Variants in MYO1E observed in about 807,000 individuals in gnomAD.
MYO1E encodes unconventional myosin-Ie.
In MYO1E, 68 loss-of-function variants were observed where a neutral mutation model predicts 151.1. That is an observed-to-expected ratio of 0.45 (90% CI 0.37 to 0.55). The LOEUF is 0.55. MYO1E is among the 20% of genes least tolerant of loss of function. MYO1E has a pLI of 0.00. For synonymous variants in MYO1E, 601 were observed against 501.7 expected (o/e 1.20, Z -2.64); for missense variants, 1,363 against 1,389.3 (o/e 0.98, Z 0.30).
intron 1 of MYO1E, among the ~76,000 whole-genome samples, chr15:59,340,316 A>T (rs2080757575): frequency 6.6e-6 from 1 of 152,292 alleles, no homozygotes; most frequent in East Asian, 1.9e-4. Context: ...CTCAAAAAAA[A>T]TAGCAATTTT....
chr15:59,297,437 ATTTT>A lies in MYO1E; in HGVS notation c.4-24992_4-24989del, dbSNP rs755470049. The stretch of plus-strand genomic sequence containing the variant: ...AGGTACGCACCACCACACCCAGCTA[ATTTT>A]TTTTTTTTTTTTTTTTTTTTAGTAG... On this transcript the variant is annotated intron_variant, in intron 1 of 27. Transcript: ENST00000288235. 1.9e-3 allele frequency among the ~76,000 whole-genome samples: 118 copies of A among 63,484 alleles called. 4 individuals carry two copies. The East Asian group carries it at 0.031, about 17-fold the overall frequency. The allele number at this position is 63,484 out of a possible 152,430, so 41.6% of individuals were successfully genotyped here. A position where few individuals can be genotyped will look rare whatever the true frequency, so the allele number is the denominator to read the frequency against.
At chr15:59,143,706 C>G (rs555304006) in intron 26 of MYO1E, among the ~76,000 whole-genome samples, 2 of 152,168 alleles carry the variant, frequency 1.3e-5, no homozygotes, top group Non-Finnish European at 2.9e-5. Context: ...GATGCAGGCT[C>G]CTGGGATTTC....
chr15:59,292,287 T>C (rs573404198), intron 1 of MYO1E, among the ~76,000 whole-genome samples: 139 of 152,334 alleles, frequency 9.1e-4, no homozygotes, highest in African/African-American at 3.2e-3. Flanking sequence ...GTTTCCCTTG[T>C]CTCCAAATGA....
At chr15:59,194,891 G>A (rs2079756383) in intron 17 of MYO1E, among the ~76,000 whole-genome samples, 1 of 152,206 alleles carries the variant, frequency 6.6e-6, no homozygotes, top group African/African-American at 2.4e-5. Context: ...GGCAGAAAGG[G>A]TTTGCTGAAT....
intron 25 of MYO1E, among the ~76,000 whole-genome samples, chr15:59,157,206 C>G (rs958556594): frequency 6.6e-6 from 1 of 152,098 alleles, no homozygotes; most frequent in African/African-American, 2.4e-5. Flanking sequence ...AGTTGGGCAA[C>G]TGAGACCCCA....
intron 6 of MYO1E, among the ~76,000 whole-genome samples, chr15:59,228,569 A>G (rs1193661658): frequency 2.0e-5 from 3 of 151,726 alleles, no homozygotes; most frequent in Admixed American, 2.0e-4. Flanking sequence ...TTTTCTCACT[A>G]GAACTTAATT....
At chr15:59,265,953 C>CAAATA (rs762818567) in intron 2 of MYO1E, among the ~76,000 whole-genome samples, 16 of 149,068 alleles carry the variant, frequency 1.1e-4, no homozygotes, top group African/African-American at 2.7e-4. Flanking sequence ...GGTGACAGAG[C>CAAATA]AAATAAAATA....
At chr15:59,200,343 C>T (rs2079793255) in intron 16 of MYO1E, among the ~76,000 whole-genome samples, 1 of 152,202 alleles carries the variant, frequency 6.6e-6, no homozygotes, top group Non-Finnish European at 1.5e-5. Flanking sequence ...TTCACGCAGA[C>T]ATTAATATCT....
rs2079639481 is a variant in MYO1E, at chr15:59,178,552, G to T, written c.1905-15C>A. The T allele has an allele frequency of 6.2e-7, 1 of 1,613,474 alleles. No individual in the cohort carries two copies. Among genetic ancestry groups the T allele is most frequent in the Non-Finnish European group, 8.5e-7 (1 of 1,179,624 alleles). Reference sequence around the variant, plus strand: ...GAATGGCATACCTGTGGGGACATTGGGGAGAAGAGAATCACACTTGGGCGG... The same window carrying T: ...GAATGGCATACCTGTGGGGACATTGTGGAGAAGAGAATCACACTTGGGCGG... On this transcript the variant is annotated splice_polypyrimidine_tract_variant and intron_variant, in intron 18 of 27. Transcript: ENST00000288235.
In MYO1E at chr15:59,211,153, T is replaced by C. The variant is rs148459046; in HGVS notation, c.1276-553A>G. Among the ~76,000 whole-genome samples the C allele has an allele frequency of 3.3e-5, 5 of 151,014 alleles. No individual in the cohort carries two copies. The East Asian group carries it at 7.8e-4, about 24-fold the overall frequency. ...AGGTGGAGGTTGAAGTGAGCTGAGA[T>C]TGTGCCACTGCACTTCAGCCTGGAT... On this transcript the variant is annotated intron_variant, in intron 12 of 27. Transcript: ENST00000288235.
intron 9 of MYO1E, among the ~76,000 whole-genome samples, chr15:59,222,417 C>G (rs2140348806): frequency 6.6e-6 from 1 of 152,298 alleles, no homozygotes; most frequent in South Asian, 2.1e-4. Flanking sequence ...CCAGCAGCAC[C>G]TCTCTGTAGG....
intron 1 of MYO1E, among the ~76,000 whole-genome samples, chr15:59,280,791 C>G (rs1343508936): frequency 1.3e-5 from 2 of 152,042 alleles, no homozygotes; most frequent in African/African-American, 4.8e-5. Context: ...GGGCCAGGTA[C>G]TCTTCAAATA....
intron 1 of MYO1E, among the ~76,000 whole-genome samples, chr15:59,316,092 C>A (rs2080587298): frequency 6.6e-6 from 1 of 152,298 alleles, no homozygotes; most frequent in East Asian, 1.9e-4. Flanking sequence ...GAAAGGGCAG[C>A]TGTCAAACCA....
intron 4 of MYO1E, among the ~76,000 whole-genome samples, chr15:59,246,211 G>A (rs1161154526): frequency 6.6e-6 from 1 of 152,068 alleles, no homozygotes; most frequent in Non-Finnish European, 1.5e-5. Context: ...TCTGCCTCCT[G>A]GGTTCAAGTG....
In MYO1E at chr15:59,206,963, T is replaced by C. The variant is rs1211275518; in HGVS notation, c.1531-1478A>G. ...GCCATGAGTTGGACTGTGCCTGTTG[T>C]GCGGGCCAGCCAGAGAGTGAGCTCG... is the stretch of plus-strand genomic sequence containing the variant. On this transcript the variant is annotated intron_variant, in intron 14 of 27. Transcript: ENST00000288235. 6 of 1,613,776 alleles carry C rather than the reference T, an allele frequency of 3.7e-6. No homozygotes were observed. In the African/African-American group the frequency reaches 6.7e-5, roughly 18 times the overall value.
At chr15:59,370,317 T>C (rs1029841580) in intron 1 of MYO1E, among the ~76,000 whole-genome samples, 1 of 152,364 alleles carries the variant, frequency 6.6e-6, no homozygotes. Flanking sequence ...TTTCTGATTA[T>C]TTAAGATGAT....
chr15:59,231,631 T>G, intron 6 of MYO1E, 71 bp downstream of exon 6: 5 of 1,491,180 alleles, frequency 3.4e-6, no homozygotes, highest in Non-Finnish European at 4.7e-6. Flanking sequence ...TCCTGTGGGA[T>G]ACTAGACTTC....
intron 1 of MYO1E, among the ~76,000 whole-genome samples, chr15:59,333,583 T>G (rs1175965012): frequency 2.0e-5 from 3 of 152,186 alleles, no homozygotes; most frequent in African/African-American, 4.8e-5. Context: ...ACACCCATTG[T>G]GAAATTACTA....
chr15:59,155,793 G>A (rs974121427), intron 25 of MYO1E, among the ~76,000 whole-genome samples: 6 of 151,960 alleles, frequency 3.9e-5, no homozygotes, highest in Non-Finnish European at 7.4e-5. Flanking sequence ...CTCACTGCTG[G>A]GCCCCAGTGT....
Sources: gnomAD v4.1 joint callset for allele counts (sites outside exome capture counted in the v4.1 genomes callset) on GRCh38, gnomAD v4.1.1 for gene constraint, MANE v1.5 for transcripts, NCBI Gene and HGNC (gene_info 2026-07-23, HGNC 2026-07-21) for gene names.